Variants in SYNE1 observed in about 807,000 individuals in gnomAD.
SYNE1 encodes the protein spectrin repeat containing nuclear envelope protein 1, also known as nesprin-1.
In SYNE1, 616 loss-of-function variants were observed where a neutral mutation model predicts 1,111.0. That is an observed-to-expected ratio of 0.55 (90% CI 0.52 to 0.59). SYNE1 has a LOEUF of 0.59. Ranked by LOEUF, SYNE1 falls within the 20% of genes least tolerant of loss-of-function variation. The probability of loss-of-function intolerance (pLI) is 0.00; values close to 1 mark genes in which losing one functional copy is unlikely to be tolerated. For synonymous variants in SYNE1, 3,855 were observed against 3,825.8 expected (o/e 1.01, Z -0.28); for missense variants, 10,006 against 10,417.0 (o/e 0.96, Z 1.72).
intron 130 of SYNE1, among the ~76,000 whole-genome samples, chr6:152,174,842 A>T (rs191436909): frequency 1.3e-5 from 2 of 152,380 alleles, no homozygotes; most frequent in South Asian, 2.1e-4. Context: ...TAGCATGGTC[A>T]TTGGAATCAG....
In SYNE1 at chr6:152,326,574, G is replaced by C; in HGVS notation, c.15015C>G (p.Ala5005=). The change falls in exon 79 of 146, where the codon GCC becomes GCG. Residue 5005 remains alanine (A), a synonymous_variant. Coordinates refer to ENST00000367255, the MANE Select transcript of SYNE1 (RefSeq NM_182961.4). ...CQRYYQVFQA[A]NDWLEDAQEL... is the part of the protein sequence containing the mutation. ...CTTGGGCATCCTCAAGCCAGTCATT[G>C]GCTGCTTGAAATACCTGATAATACC... 1 of 1,614,190 alleles carries C rather than the reference G, an allele frequency of 6.2e-7. No homozygotes were observed. Among genetic ancestry groups the C allele is most frequent in the Non-Finnish European group, 8.5e-7 (1 of 1,180,044 alleles).
chr6:152,221,084 C>A, intron 118 of SYNE1, 38 bp from the exon 119 acceptor site: 1 of 1,600,954 alleles, frequency 6.2e-7, no homozygotes, highest in Non-Finnish European at 8.6e-7. Context: ...CAGATTACCA[C>A]CTCTCACCAA....
At chr6:152,263,213 C>G (rs2092281417) in intron 100 of SYNE1, among the ~76,000 whole-genome samples, 1 of 149,774 alleles carries the variant, frequency 6.7e-6, no homozygotes, top group Admixed American at 6.6e-5. Flanking sequence ...TAGTGCAGGA[C>G]ATAGGAAGGA....
At chr6:152,197,930 A>G (rs1201539155) in intron 127 of SYNE1, among the ~76,000 whole-genome samples, 2 of 151,880 alleles carry the variant, frequency 1.3e-5, no homozygotes, top group African/African-American at 4.8e-5. Flanking sequence ...AAATTTCTCA[A>G]TGGCATCTTC....
intron 97 of SYNE1, among the ~76,000 whole-genome samples, chr6:152,279,216 T>C (rs2093856807): frequency 7.2e-6 from 1 of 138,612 alleles, no homozygotes; most frequent in African/African-American, 2.7e-5. Context: ...AAAAGAAAAA[T>C]AGCCTTTCTT....
chr6:152,358,588 G>A (rs1160065598), intron 65 of SYNE1, 51 bp from the exon 66 acceptor site: 3 of 1,577,732 alleles, frequency 1.9e-6, no homozygotes, highest in Non-Finnish European at 1.7e-6. Flanking sequence ...ACTTTATAAA[G>A]CATCAGTGTG....
intron 128 of SYNE1, among the ~76,000 whole-genome samples, chr6:152,183,452 T>A (rs895920065): frequency 6.6e-6 from 1 of 151,874 alleles, no homozygotes; most frequent in African/African-American, 2.4e-5. Flanking sequence ...AAAACAAAAA[T>A]TAGCCAGGCG....
intron 27 of SYNE1, among the ~76,000 whole-genome samples, chr6:152,450,112 G>A (rs551469493): frequency 2.6e-5 from 4 of 152,346 alleles, no homozygotes; most frequent in African/African-American, 9.6e-5. Context: ...CATGGGGGCA[G>A]TTACCCCGCT....
At chr6:152,464,001 G>A (rs1476620303) in intron 18 of SYNE1, among the ~76,000 whole-genome samples, 1 of 152,128 alleles carries the variant, frequency 6.6e-6, no homozygotes, top group Admixed American at 6.6e-5. Context: ...CCTTTTTAAA[G>A]AAAGAATAGC....
intron 117 of SYNE1, 53 bp downstream of exon 117, chr6:152,224,441 C>T (rs755093147): frequency 1.6e-5 from 24 of 1,512,840 alleles, no homozygotes; most frequent in Non-Finnish European, 2.0e-5. Context: ...GGTAATTTTT[C>T]AGTTTTCTAA....
At chr6:152,415,789 TAAAAAA>T (rs1209590450) in intron 41 of SYNE1, among the ~76,000 whole-genome samples, 96 of 73,040 alleles carry the variant, frequency 1.3e-3, no homozygotes, top group African/African-American at 4.0e-3. Flanking sequence ...TTCAAAGTGG[TAAAAAA>T]AAAAAAAAAA....
chr6:152,588,791 G>A (rs1429558513), intron 3 of SYNE1, among the ~76,000 whole-genome samples: 1 of 152,136 alleles, frequency 6.6e-6, no homozygotes, highest in African/African-American at 2.4e-5. Context: ...GCATCCAAAA[G>A]AGGCTGGTAG....
At chr6:152,341,481 C>T (rs1395708133) in intron 74 of SYNE1, among the ~76,000 whole-genome samples, 1 of 152,158 alleles carries the variant, frequency 6.6e-6, no homozygotes, top group Non-Finnish European at 1.5e-5. Context: ...CCCTAAAGTT[C>T]ACATTTTATG....
At chr6:152,155,805 G>T in intron 132 of SYNE1, 105 bp downstream of exon 132, 5 of 1,379,988 alleles carry the variant, frequency 3.6e-6, no homozygotes, top group Admixed American at 1.9e-5. Flanking sequence ...AGCTATTTTT[G>T]GACATTGTAA....
At chr6:152,508,911 C>A (rs1178849370) in intron 8 of SYNE1, among the ~76,000 whole-genome samples, 1 of 152,202 alleles carries the variant, frequency 6.6e-6, no homozygotes, top group East Asian at 1.9e-4. Flanking sequence ...TAATTACATC[C>A]TTTGTTTCTC....
At chr6:152,543,383 T>C (rs1415575903) in intron 3 of SYNE1, among the ~76,000 whole-genome samples, 2 of 152,110 alleles carry the variant, frequency 1.3e-5, no homozygotes, top group Non-Finnish European at 2.9e-5. Context: ...AAAAAAATTG[T>C]TTAATTTAAT....
chr6:152,376,616 C>A (rs1043695401), intron 57 of SYNE1, 58 bp from the exon 58 acceptor site: 1 of 1,599,124 alleles, frequency 6.3e-7, no homozygotes, highest in African/African-American at 1.3e-5. Context: ...TGATGAAAAT[C>A]ATGTTTGATA....
chr6:152,352,219 C>T lies in SYNE1; in HGVS notation c.11388G>A (p.Gln3796=). 6.2e-7 allele frequency: 1 copy of T among 1,614,152 alleles called. No individual in the cohort carries two copies. The highest frequency in any genetic ancestry group is 1.1e-5 in the South Asian group (1 of 91,078). The change falls in exon 70 of 146, where the codon CAG becomes CAA. Residue 3796 remains glutamine, a synonymous_variant. Transcript: ENST00000367255. The stretch of plus-strand genomic sequence containing the variant: ...GGACAGTGCTGGTCAGTTCCTTCAA[C>T]TGCTCCATGTGATCATGAATCTCCT... The part of the protein sequence containing the change: ...LRKEIHDHME[Q]LKELTSTVRK...
intron 127 of SYNE1, among the ~76,000 whole-genome samples, chr6:152,193,581 GT>G (rs943607083): frequency 5.9e-5 from 9 of 152,122 alleles, no homozygotes; most frequent in African/African-American, 2.2e-4. Context: ...GCCTCCTAAA[GT>G]GCTGGGAATA....
Sources: allele counts gnomAD v4.1 joint callset (sites outside exome capture counted in the v4.1 genomes callset), GRCh38; gene constraint gnomAD v4.1.1; transcripts MANE v1.5; gene names NCBI Gene and HGNC (gene_info 2026-07-23, HGNC 2026-07-21).